RSAD2: variants seen among roughly 807,000 people sequenced by gnomAD.
RSAD2 encodes the protein S-adenosylmethionine-dependent nucleotide dehydratase RSAD2.
A neutral mutation model predicts 37.7 loss-of-function variants in RSAD2; 38 were observed. The observed-to-expected ratio is 1.01, with a 90% CI of 0.78 to 1.32. RSAD2 has a LOEUF of 1.32. Ranked by LOEUF, RSAD2 falls within the 40% of genes most tolerant of loss-of-function variation. RSAD2 has a pLI of 0.00. For missense variants in RSAD2, 428 were observed against 437.5 expected (o/e 0.98, Z 0.19); for synonymous variants, 163 against 157.4 (o/e 1.04, Z -0.27).
intron 1 of RSAD2, among the ~76,000 whole-genome samples, chr2:6,867,463 A>T (rs1403236403): frequency 1.3e-5 from 2 of 152,130 alleles, no homozygotes; most frequent in Non-Finnish European, 2.9e-5. Flanking sequence ...TAATGTTCTC[A>T]TTTTAATGTA....
At chr2:6,869,945 G>A (rs1405558398) in intron 1 of RSAD2, among the ~76,000 whole-genome samples, 1 of 152,150 alleles carries the variant, frequency 6.6e-6, no homozygotes, top group Non-Finnish European at 1.5e-5. Context: ...GCTCTCCTGG[G>A]TCAACCAATC....
At chr2:6,871,888 A>T (rs867471764) in intron 1 of RSAD2, among the ~76,000 whole-genome samples, 1 of 152,214 alleles carries the variant, frequency 6.6e-6, no homozygotes, top group Non-Finnish European at 1.5e-5. Flanking sequence ...TCTTTGAGTT[A>T]TCAGAAAAAT....
intron 3 of RSAD2, among the ~76,000 whole-genome samples, chr2:6,889,764 T>C (rs193015419): frequency 1.3e-5 from 2 of 152,376 alleles, no homozygotes; most frequent in Non-Finnish European, 2.9e-5. Flanking sequence ...AACAGACATA[T>C]GCTAGAGGCC....
rs1663807550 is a variant in RSAD2 at position 6,897,671 on chromosome 2, A to T, written c.*1729A>T. 6.6e-6 allele frequency: 1 copy of T among 152,214 alleles called. No individual in the cohort carries two copies. Among genetic ancestry groups the T allele is most frequent in the Non-Finnish European group, 1.5e-5 (1 of 68,038 alleles). The allele number at this position is 152,214 out of a possible 1,614,324, so 9.4% of individuals were successfully genotyped here. A position where few individuals can be genotyped will look rare whatever the true frequency, so the allele number is the denominator to read the frequency against. ...ATGATGACCTTCATATAATCAGCATAAACATAAAACAAATTTTTTACTTAA... is the reference window on the plus strand; with the variant it reads ...ATGATGACCTTCATATAATCAGCATTAACATAAAACAAATTTTTTACTTAA... On this transcript the variant is annotated 3_prime_UTR_variant, in exon 6 of 6. Transcript: ENST00000382040.
chr2:6,891,813 A>T (rs1252834699), intron 4 of RSAD2, among the ~76,000 whole-genome samples: 5 of 152,186 alleles, frequency 3.3e-5, no homozygotes, highest in Non-Finnish European at 7.4e-5. Context: ...AAATAAAGAT[A>T]GCCTGTCATT....
At chr2:6,882,212 C>T (rs535355756) in intron 1 of RSAD2, among the ~76,000 whole-genome samples, 2 of 152,046 alleles carry the variant, frequency 1.3e-5, no homozygotes, top group Non-Finnish European at 2.9e-5. Flanking sequence ...CAAATAAAAA[C>T]ATCAAAAGAA....
At position 6,887,173 on chromosome 2, in the gene RSAD2, A is replaced by C. The variant is rs13002122; in HGVS notation, c.738+9A>C. On this transcript the variant is annotated intron_variant, in intron 3 of 5. Coordinates refer to ENST00000382040, the MANE Select transcript of RSAD2 (RefSeq NM_080657.5). ...ACCCTGTCCGCTGGAAAGTAAGTAC[A>C]CAAGGTCGCTTTTGCTGATTTCCTT... 2 of 1,603,294 alleles carry C rather than the reference A, an allele frequency of 1.2e-6. No homozygotes were observed. Among genetic ancestry groups the C allele is most frequent in the East Asian group, 4.5e-5 (2 of 44,692 alleles).
rs759704636 is a variant in RSAD2, at chr2:6,895,892, C to T, written c.1036C>T (p.Arg346Ter). ...SGFDEKMFLK[R>*]GGKYIWSKAD... ...ATTTGATGAAAAGATGTTTCTGAAGCGAGGAGGAAAATACATATGGAGTAA... is the reference window on the plus strand; with the variant it reads ...ATTTGATGAAAAGATGTTTCTGAAGTGAGGAGGAAAATACATATGGAGTAA... The change falls in exon 6 of 6, where the codon CGA (arginine) becomes TGA (stop). Residue 346 changes from arginine (R) to a stop codon, truncating the protein, a stop_gained. Coordinates refer to ENST00000382040, the MANE Select transcript of RSAD2 (RefSeq NM_080657.5). LOFTEE classifies it high-confidence loss of function. 17 of 1,614,012 alleles carry T rather than the reference C, an allele frequency of 1.1e-5. No homozygotes were observed. Among genetic ancestry groups the T allele is most frequent in the Admixed American group, 1.0e-4 (6 of 60,008 alleles).
At position 6,897,006 on chromosome 2, in the gene RSAD2, G is replaced by C. The variant is rs868332429; in HGVS notation, c.*1064G>C. 6.6e-6 allele frequency: 1 copy of C among 152,214 alleles called. No homozygotes were observed. The highest frequency in any genetic ancestry group is 2.1e-4 in the South Asian group (1 of 4,828). 9.4% of individuals were successfully genotyped at this position (152,214 alleles called of 1,614,324 possible). On this transcript the variant is annotated 3_prime_UTR_variant, in exon 6 of 6. Coordinates refer to ENST00000382040, the MANE Select transcript of RSAD2 (RefSeq NM_080657.5). ...TGGGCAAGGAAGAATGTGAGCAAGAGTAGAGAGAGTGCCTGGATTTCATGT... is the reference window on the plus strand; with the variant it reads ...TGGGCAAGGAAGAATGTGAGCAAGACTAGAGAGAGTGCCTGGATTTCATGT...
intron 2 of RSAD2, among the ~76,000 whole-genome samples, chr2:6,884,753 G>A (rs766962925): frequency 2.6e-5 from 4 of 152,208 alleles, no homozygotes; most frequent in Non-Finnish European, 4.4e-5. Context: ...GGGAAGCATC[G>A]CGCCATATTC....
rs1663777041 is a variant in RSAD2, at chr2:6,896,445, T to A, written c.*503T>A. On this transcript the variant is annotated 3_prime_UTR_variant, in exon 6 of 6. Coordinates refer to ENST00000382040, the MANE Select transcript of RSAD2 (RefSeq NM_080657.5). Reference sequence around the variant, plus strand: ...AGGTTTGTTCATTTGACAGAGTCAGTATTTTTTGCCAAATATCCAGATAAC... The same window carrying A: ...AGGTTTGTTCATTTGACAGAGTCAGAATTTTTTGCCAAATATCCAGATAAC... 6.6e-6 allele frequency: 1 copy of A among 152,364 alleles called. No homozygotes were observed. Among genetic ancestry groups the A allele is most frequent in the Non-Finnish European group, 1.5e-5 (1 of 68,126 alleles). 9.4% of individuals were successfully genotyped at this position (152,364 alleles called of 1,614,324 possible).
rs2103252347 is a variant in RSAD2, at chr2:6,897,816, G to A, written c.*1874G>A. On this transcript the variant is annotated 3_prime_UTR_variant, in exon 6 of 6. Coordinates refer to ENST00000382040, the MANE Select transcript of RSAD2 (RefSeq NM_080657.5). ...GTTCGAGAACAGCCTGGCCAACATG[G>A]TGAAACCCCGTCTCCACTAAAAATA... is the stretch of plus-strand genomic sequence containing the variant. The A allele has an allele frequency of 1.3e-5, 2 of 152,286 alleles. No homozygotes were observed. The highest frequency in any genetic ancestry group is 6.8e-3 in the Middle Eastern group (2 of 292). The allele number at this position is 152,286 out of a possible 1,614,324, so 9.4% of individuals were successfully genotyped here.
chr2:6,876,205 G>GT (rs1489722316), upstream of RSAD2, among the ~76,000 whole-genome samples: 1 of 152,158 alleles, frequency 6.6e-6, no homozygotes, highest in Non-Finnish European at 1.5e-5. Context: ...GACCTTCTAG[G>GT]TTAAGTTTCT....
At position 6,895,963 on chromosome 2, in the gene RSAD2, T is replaced by G; in HGVS notation, c.*21T>G. On this transcript the variant is annotated 3_prime_UTR_variant, in exon 6 of 6. Transcript: ENST00000382040. ...GGTAGAGCGGAAAGTGGAACGAGACTTCAACACACCAGTGGGAAAACTCCT... is the reference window on the plus strand; with the variant it reads ...GGTAGAGCGGAAAGTGGAACGAGACGTCAACACACCAGTGGGAAAACTCCT... 6.2e-7 allele frequency: 1 copy of G among 1,608,730 alleles called. No homozygotes were observed. Among genetic ancestry groups the G allele is most frequent in the Non-Finnish European group, 8.5e-7 (1 of 1,176,166 alleles).
intron 1 of RSAD2, among the ~76,000 whole-genome samples, chr2:6,867,900 G>A (rs908919698): frequency 6.6e-6 from 1 of 152,328 alleles, no homozygotes; most frequent in South Asian, 2.1e-4. Context: ...AAGTGTTGAA[G>A]ATGTTGAAGA....
intron 1 of RSAD2, among the ~76,000 whole-genome samples, chr2:6,882,850 G>A (rs1663441310): frequency 6.6e-6 from 1 of 152,158 alleles, no homozygotes; most frequent in Admixed American, 6.5e-5. Flanking sequence ...TGTGATACCT[G>A]GACAAACAAT....
chr2:6,873,910 A>G (rs1412632040), upstream of RSAD2, among the ~76,000 whole-genome samples: 2 of 152,204 alleles, frequency 1.3e-5, no homozygotes, highest in Admixed American at 1.3e-4. Context: ...TGAGATCTTA[A>G]AATTCCAAGA....
chr2:6,897,370 T>C lies in RSAD2; in HGVS notation c.*1428T>C, dbSNP rs2103252047. The C allele has an allele frequency of 6.6e-6, 1 of 152,360 alleles. No homozygotes were observed. The highest frequency in any genetic ancestry group is 2.1e-4 in the South Asian group (1 of 4,830). 9.4% of individuals were successfully genotyped at this position (152,360 alleles called of 1,614,324 possible). On this transcript the variant is annotated 3_prime_UTR_variant, in exon 6 of 6. Coordinates refer to ENST00000382040, the MANE Select transcript of RSAD2 (RefSeq NM_080657.5). ...CACTAGGTGGCATTTAAATGTCGCC[T>C]GATGTCATTAAGCACCATCCAAAAA...
intron 3 of RSAD2, among the ~76,000 whole-genome samples, chr2:6,889,554 GTTGGCTGTCACCCTTTGTCACC>G (rs1282895328): frequency 6.6e-6 from 1 of 152,104 alleles, no homozygotes; most frequent in African/African-American, 2.4e-5. Context: ...TCTGTGTTGG[GTTGGCTGTCACCCTTTGTCACC>G]TTGGGCAAGT....
Sources: gnomAD v4.1 joint callset for allele counts (sites outside exome capture counted in the v4.1 genomes callset) on GRCh38, gnomAD v4.1.1 for gene constraint, MANE v1.5 for transcripts, NCBI Gene and HGNC (gene_info 2026-07-23, HGNC 2026-07-21) for gene names.